Variants in PTPN4 observed in about 807,000 individuals in gnomAD.
The protein encoded by PTPN4 is tyrosine-protein phosphatase non-receptor type 4.
PTPN4 carries 49 observed loss-of-function variants against 135.5 expected under a neutral mutation model. The ratio of observed to expected loss-of-function variants is 0.36; its 90% confidence interval spans 0.29 to 0.46. The LOEUF (loss-of-function observed/expected upper bound fraction) is 0.46. PTPN4 is among the 20% of genes least tolerant of loss of function. The pLI is 1.00. For synonymous variants in PTPN4, 333 were observed against 369.9 expected (o/e 0.90, Z 1.14); for missense variants, 860 against 1,101.0 (o/e 0.78, Z 3.10).
At chr2:119,844,474 G>C (rs1312458388) in intron 2 of PTPN4, among the ~76,000 whole-genome samples, 2 of 147,830 alleles carry the variant, frequency 1.4e-5, no homozygotes, top group African/African-American at 5.0e-5. Context: ...CTGCCGGGCG[G>C]AGGGGCTCCT....
chr2:119,815,721 A>G (rs944037904), intron 2 of PTPN4, among the ~76,000 whole-genome samples: 1 of 152,222 alleles, frequency 6.6e-6, no homozygotes, highest in African/African-American at 2.4e-5. Context: ...TACCTAACAT[A>G]CATTATGGAG....
At chr2:119,803,527 T>A (rs1691411058) in intron 1 of PTPN4, among the ~76,000 whole-genome samples, 1 of 152,224 alleles carries the variant, frequency 6.6e-6, no homozygotes, top group Non-Finnish European at 1.5e-5. Flanking sequence ...GTTCTCAGAA[T>A]ACATTTTGCA....
At chr2:119,845,316 G>A (rs898590427) in intron 2 of PTPN4, among the ~76,000 whole-genome samples, 3 of 144,518 alleles carry the variant, frequency 2.1e-5, no homozygotes, top group Admixed American at 1.4e-4. Flanking sequence ...TTCTTTAAAT[G>A]TAATTTTTTT....
At chr2:119,799,704 C>G (rs1427886059) in intron 1 of PTPN4, among the ~76,000 whole-genome samples, 1 of 152,098 alleles carries the variant, frequency 6.6e-6, no homozygotes, top group Non-Finnish European at 1.5e-5. Context: ...TTTATAATTC[C>G]AAAACATTTC....
intron 2 of PTPN4, among the ~76,000 whole-genome samples, chr2:119,830,809 C>T (rs1677208673): frequency 6.6e-6 from 1 of 152,126 alleles, no homozygotes; most frequent in Admixed American, 6.5e-5. Context: ...ACACCTTGCT[C>T]TCTCTTTGCC....
At chr2:119,841,150 T>C (rs115498230) in intron 2 of PTPN4, among the ~76,000 whole-genome samples, 3,531 of 152,206 alleles carry the variant, frequency 0.023, 127 homozygotes, top group African/African-American at 0.077. Flanking sequence ...TATTTTCTTA[T>C]ATTTTAACCG....
At chr2:119,841,705 T>C (rs1677384397) in intron 2 of PTPN4, among the ~76,000 whole-genome samples, 1 of 152,222 alleles carries the variant, frequency 6.6e-6, no homozygotes, top group Non-Finnish European at 1.5e-5. Flanking sequence ...TTTATGAATG[T>C]ATCTGTTTCT....
At chr2:119,898,610 G>A (rs964349027) in intron 9 of PTPN4, among the ~76,000 whole-genome samples, 2 of 152,070 alleles carry the variant, frequency 1.3e-5, no homozygotes, top group Non-Finnish European at 2.9e-5. Flanking sequence ...GGGTTCTAGT[G>A]AATAATTTAT....
intron 22 of PTPN4, among the ~76,000 whole-genome samples, chr2:119,958,195 G>T (rs1558775040): frequency 6.6e-6 from 1 of 151,836 alleles, no homozygotes; most frequent in Non-Finnish European, 1.5e-5. Flanking sequence ...AAAATTAGCA[G>T]TCATGGTGGT....
At chr2:119,961,452 CT>C (rs931197470) in intron 23 of PTPN4, among the ~76,000 whole-genome samples, 50 of 152,268 alleles carry the variant, frequency 3.3e-4, no homozygotes, top group African/African-American at 1.2e-3. Context: ...AAACAGAACC[CT>C]CCTATTGTGG....
chr2:119,793,186 C>T (rs11683731), intron 1 of PTPN4, among the ~76,000 whole-genome samples: 41,242 of 152,088 alleles, frequency 0.27, 5,679 homozygotes, highest in South Asian at 0.33. Flanking sequence ...ATAAGGCAGA[C>T]GCTCCCAGAG....
At chr2:119,956,258 T>TTTTTG (rs1321174589) in intron 20 of PTPN4, among the ~76,000 whole-genome samples, 1 of 146,812 alleles carries the variant, frequency 6.8e-6, no homozygotes, top group African/African-American at 2.6e-5. Context: ...TTTTTTTTTT[T>TTTTTG]TTGAGAAGCG....
At chr2:119,845,393 G>GTC (rs1677481658) in intron 2 of PTPN4, among the ~76,000 whole-genome samples, 1 of 152,106 alleles carries the variant, frequency 6.6e-6, no homozygotes, top group South Asian at 2.1e-4. Flanking sequence ...TTCTAATTCA[G>GTC]TCTCTTTACT....
intron 10 of PTPN4, among the ~76,000 whole-genome samples, chr2:119,912,081 A>G (rs1454592099): frequency 6.6e-6 from 1 of 152,210 alleles, no homozygotes; most frequent in Non-Finnish European, 1.5e-5. Flanking sequence ...ATATCCATAG[A>G]ATGGAATGCT....
intron 17 of PTPN4, 28 bp from the exon 18 acceptor site, chr2:119,946,490 C>T: frequency 6.3e-7 from 1 of 1,596,952 alleles, no homozygotes; most frequent in Non-Finnish European, 8.6e-7. Context: ...TAATATTTGA[C>T]TAACATTTTA....
chr2:119,920,365 A>G (rs1428018189), intron 12 of PTPN4, 124 bp downstream of exon 12: 10 of 1,088,826 alleles, frequency 9.2e-6, no homozygotes, highest in South Asian at 1.7e-5. Context: ...AAAAATCCCT[A>G]TGGATTGCAG....
At chr2:119,941,912 G>A (rs1446681098) in intron 15 of PTPN4, among the ~76,000 whole-genome samples, 1 of 152,100 alleles carries the variant, frequency 6.6e-6, no homozygotes, top group Non-Finnish European at 1.5e-5. Flanking sequence ...AGCTCATGCT[G>A]CATCTAAAGA....
intron 2 of PTPN4, among the ~76,000 whole-genome samples, chr2:119,824,154 A>G (rs1334330569): frequency 6.6e-6 from 1 of 152,166 alleles, no homozygotes; most frequent in Non-Finnish European, 1.5e-5. Context: ...TGTTATGGCT[A>G]GAGAACATAC....
intron 15 of PTPN4, among the ~76,000 whole-genome samples, chr2:119,941,174 T>TTAGACATG (rs1679057200): frequency 6.6e-6 from 1 of 152,232 alleles, no homozygotes; most frequent in Non-Finnish European, 1.5e-5. Context: ...TTTTAATGTA[T>TTAGACATG]CATTTCTAAT....
Sources: gnomAD v4.1 joint callset for allele counts (sites outside exome capture counted in the v4.1 genomes callset) on GRCh38, gnomAD v4.1.1 for gene constraint, MANE v1.5 for transcripts, NCBI Gene and HGNC (gene_info 2026-07-23, HGNC 2026-07-21) for gene names.